Variants in BICC1 observed in about 807,000 individuals in gnomAD.
BICC1 encodes the protein BicC family RNA binding protein 1, also known as protein bicaudal C homolog 1.
In BICC1, 43 loss-of-function variants were observed where a neutral mutation model predicts 111.0. The observed-to-expected ratio is 0.39, with a 90% CI of 0.30 to 0.50. BICC1 has a LOEUF of 0.50. Among genes scored for constraint, BICC1 ranks in the 20% least tolerant of loss-of-function variants. BICC1 has a pLI of 0.88. For missense variants in BICC1, 1,091 were observed against 1,203.2 expected (o/e 0.91, Z 1.38); for synonymous variants, 467 against 434.4 (o/e 1.07, Z -0.93).
intron 2 of BICC1, chr10:58,648,462 G>A: frequency 4.2e-6 from 4 of 956,094 alleles, no homozygotes; most frequent in Non-Finnish European, 5.0e-6. Flanking sequence ...ACAGAGTTAT[G>A]TTCTCTGGCA....
chr10:58,523,845 C>A (rs1260102581), intron 1 of BICC1, among the ~76,000 whole-genome samples: 1 of 152,220 alleles, frequency 6.6e-6, no homozygotes, highest in Non-Finnish European at 1.5e-5. Context: ...TGATAGACAA[C>A]TTCAGCAAAG....
chr10:58,552,498 G>A (rs1843322803), intron 1 of BICC1, among the ~76,000 whole-genome samples: 1 of 151,966 alleles, frequency 6.6e-6, no homozygotes. Context: ...ACCACACCCA[G>A]CTAATTTTTT....
intron 3 of BICC1, among the ~76,000 whole-genome samples, chr10:58,738,115 G>A (rs1841533348): frequency 6.6e-6 from 1 of 152,124 alleles, no homozygotes; most frequent in Admixed American, 6.5e-5. Flanking sequence ...TGTCAATTTT[G>A]GCTTTTGTTG....
At chr10:58,621,711 G>A (rs1845812297) in intron 2 of BICC1, among the ~76,000 whole-genome samples, 1 of 151,988 alleles carries the variant, frequency 6.6e-6, no homozygotes, top group African/African-American at 2.4e-5. Flanking sequence ...TTTGAGACCA[G>A]CCTGGCCAAA....
intron 2 of BICC1, among the ~76,000 whole-genome samples, chr10:58,684,398 T>G (rs534070485): frequency 1.2e-4 from 18 of 152,302 alleles, no homozygotes; most frequent in African/African-American, 4.1e-4. Flanking sequence ...ATAAAATGAG[T>G]TAGGGAGGAT....
intron 1 of BICC1, among the ~76,000 whole-genome samples, chr10:58,597,028 T>C (rs1375568615): frequency 6.6e-6 from 1 of 152,194 alleles, no homozygotes; most frequent in Non-Finnish European, 1.5e-5. Context: ...ACCACTGACT[T>C]TCCATACAAA....
At chr10:58,558,327 C>T (rs1169658250) in intron 1 of BICC1, among the ~76,000 whole-genome samples, 1 of 152,102 alleles carries the variant, frequency 6.6e-6, no homozygotes, top group Admixed American at 6.6e-5. Flanking sequence ...TTCTGCCCTG[C>T]AAACTCTAGG....
At chr10:58,550,962 T>C (rs1218237414) in intron 1 of BICC1, among the ~76,000 whole-genome samples, 1 of 152,202 alleles carries the variant, frequency 6.6e-6, no homozygotes, top group Non-Finnish European at 1.5e-5. Flanking sequence ...CATCTTGTCA[T>C]CAGCTTTTAA....
At chr10:58,612,631 C>T (rs1038492395) in intron 1 of BICC1, among the ~76,000 whole-genome samples, 10 of 151,374 alleles carry the variant, frequency 6.6e-5, no homozygotes, top group African/African-American at 2.2e-4. Context: ...AGAGGAATGC[C>T]CTGATTCTTT....
intron 1 of BICC1, among the ~76,000 whole-genome samples, chr10:58,538,333 A>G (rs1438920051): frequency 2.0e-5 from 3 of 151,954 alleles, no homozygotes; most frequent in African/African-American, 7.2e-5. Flanking sequence ...ACTTACAACC[A>G]ACTGATCTTT....
chr10:58,717,726 T>G (rs1840792895), intron 3 of BICC1, among the ~76,000 whole-genome samples: 1 of 152,220 alleles, frequency 6.6e-6, no homozygotes, highest in Non-Finnish European at 1.5e-5. Flanking sequence ...CTTTTACACA[T>G]TTTTTATGTT....
chr10:58,512,899 G>T lies in BICC1; in HGVS notation c.-245G>T, dbSNP rs937716195. ...TCCGCGCGGGCGTTGCTGGCGGGGGGCGGCGCAGCCACTGGACCCGGACCG... is the reference window on the plus strand; with the variant it reads ...TCCGCGCGGGCGTTGCTGGCGGGGGTCGGCGCAGCCACTGGACCCGGACCG... On this transcript the variant is annotated 5_prime_UTR_variant, in exon 1 of 21. Transcript: ENST00000373886. 4.7e-5 allele frequency among the ~76,000 whole-genome samples: 7 copies of T among 147,400 alleles called. No individual in the cohort carries two copies. The highest frequency in any genetic ancestry group is 1.5e-4 in the African/African-American group (6 of 40,962).
chr10:58,664,428 CT>C (rs1838944383), intron 2 of BICC1, among the ~76,000 whole-genome samples: 1 of 151,174 alleles, frequency 6.6e-6, no homozygotes, highest in Admixed American at 6.6e-5. Flanking sequence ...GATATAGGTT[CT>C]TCATAAGATA....
intron 18 of BICC1, among the ~76,000 whole-genome samples, chr10:58,814,931 G>A (rs181014151): frequency 2.0e-5 from 3 of 152,208 alleles, no homozygotes; most frequent in South Asian, 4.1e-4. Flanking sequence ...TGCTGAATTC[G>A]CATAAACAGG....
At chr10:58,513,435 GGCC>G in intron 1 of BICC1, 102 bp downstream of exon 1, 2 of 1,197,774 alleles carry the variant, frequency 1.7e-6, no homozygotes, top group African/African-American at 1.6e-5. Context: ...GCCTACGGCC[GGCC>G]GGTTTAGCTC....
chr10:58,826,576 C>A (rs1844402780), intron 20 of BICC1, among the ~76,000 whole-genome samples: 1 of 20,338 alleles, frequency 4.9e-5, no homozygotes. Context: ...ACGGTGAAAC[C>A]TTCTCTCTAC....
chr10:58,629,564 G>A (rs904239621), intron 2 of BICC1, among the ~76,000 whole-genome samples: 1 of 152,110 alleles, frequency 6.6e-6, no homozygotes, highest in Non-Finnish European at 1.5e-5. Flanking sequence ...AAGGCTGGGG[G>A]CAAATTAATA....
intron 2 of BICC1, 140 bp downstream of exon 2, chr10:58,621,041 C>T: frequency 1.6e-6 from 1 of 619,486 alleles, no homozygotes; most frequent in Non-Finnish European, 2.7e-6. Context: ...ACACTCAGAG[C>T]TAGCCAGGAA....
intron 20 of BICC1, chr10:58,823,698 G>C: frequency 1.0e-6 from 1 of 985,270 alleles, no homozygotes; most frequent in South Asian, 4.7e-5. Context: ...TTGCTGTAAA[G>C]TGGGAATGTC....
Sources: allele counts gnomAD v4.1 joint callset (sites outside exome capture counted in the v4.1 genomes callset), GRCh38; gene constraint gnomAD v4.1.1; transcripts MANE v1.5; gene names NCBI Gene and HGNC (gene_info 2026-07-23, HGNC 2026-07-21).